FBN2: variants seen among roughly 807,000 people sequenced by gnomAD.
FBN2 encodes the protein fibrillin 2.
A neutral mutation model predicts 355.6 loss-of-function variants in FBN2; 105 were observed. That is an observed-to-expected ratio of 0.30 (90% CI 0.25 to 0.35). The LOEUF (loss-of-function observed/expected upper bound fraction) is 0.35, where lower values mean the gene tolerates loss of function less well. Ranked by LOEUF, FBN2 falls within the 10% of genes least tolerant of loss-of-function variation. The pLI is 1.00. For synonymous variants in FBN2, 1,350 were observed against 1,301.2 expected, an observed-to-expected ratio of 1.04 and a Z score of -0.81; for missense variants, 3,280 against 3,758.7, an observed-to-expected ratio of 0.87 and a Z score of 3.33.
Position 128,537,277 on chromosome 5 carries a change from GA to G in FBN2, c.254+72del. The stretch of plus-strand genomic sequence containing the variant: ...AAAGGGTCTGGGACGGAGTGGGCCA[GA>G]AAGCCGCCAAACTGAGGATTCCCCC... On this transcript the variant is annotated intron_variant, in intron 1 of 64. Transcript: ENST00000262464. 2.5e-6 allele frequency: 4 copies of G among 1,591,944 alleles called. No individual in the cohort carries two copies. In the South Asian group the frequency reaches 4.5e-5, roughly 18 times the overall value.
chr5:128,402,947 T>A (rs1282540843), intron 8 of FBN2, among the ~76,000 whole-genome samples: 1 of 152,228 alleles, frequency 6.6e-6, no homozygotes, highest in Non-Finnish European at 1.5e-5. Context: ...TTTAAAATAG[T>A]GAATGACGGG....
chr5:128,536,236 G>A (rs960561563), intron 2 of FBN2, among the ~76,000 whole-genome samples, 166 bp downstream of exon 2: 1 of 152,186 alleles, frequency 6.6e-6, no homozygotes, highest in African/African-American at 2.4e-5. Flanking sequence ...ACTCAAACCG[G>A]TTGAGTCTTC....
intron 48 of FBN2, among the ~76,000 whole-genome samples, chr5:128,296,499 T>C (rs1324776278): frequency 6.6e-6 from 1 of 152,054 alleles, no homozygotes; most frequent in African/African-American, 2.4e-5. Context: ...CTATTGATTA[T>C]TGCCACAATT....
intron 17 of FBN2, among the ~76,000 whole-genome samples, chr5:128,364,985 C>A (rs1454726194): frequency 6.6e-6 from 1 of 152,006 alleles, no homozygotes; most frequent in Non-Finnish European, 1.5e-5. Context: ...ACGAAATATG[C>A]CAGCATTTAT....
intron 7 of FBN2, among the ~76,000 whole-genome samples, chr5:128,435,617 C>T (rs1753751158): frequency 1.3e-5 from 2 of 152,142 alleles, no homozygotes; most frequent in Admixed American, 1.3e-4. Flanking sequence ...AGCAGGAGCA[C>T]AGATGGACAT....
intron 5 of FBN2, among the ~76,000 whole-genome samples, chr5:128,515,700 T>C (rs1466117882): frequency 1.3e-5 from 2 of 152,240 alleles, no homozygotes; most frequent in African/African-American, 4.8e-5. Flanking sequence ...ATCTCACCTT[T>C]AATTCCACTG....
intron 19 of FBN2, among the ~76,000 whole-genome samples, chr5:128,359,106 C>A (rs1227278141): frequency 6.6e-6 from 1 of 151,984 alleles, no homozygotes; most frequent in Non-Finnish European, 1.5e-5. Flanking sequence ...CTTTCACAGA[C>A]TCTCAGAGCT....
At chr5:128,482,755 G>C (rs954798498) in intron 5 of FBN2, among the ~76,000 whole-genome samples, 1 of 151,926 alleles carries the variant, frequency 6.6e-6, no homozygotes, top group Non-Finnish European at 1.5e-5. Flanking sequence ...GTTTAAATGA[G>C]GCTTAACCCT....
chr5:128,488,172 G>A (rs992219722), intron 5 of FBN2, among the ~76,000 whole-genome samples: 6 of 150,978 alleles, frequency 4.0e-5, no homozygotes, highest in Admixed American at 2.0e-4. Context: ...GGGAGTTCAC[G>A]CTTCAATGAA....
chr5:128,411,775 C>A (rs962404416), intron 7 of FBN2, among the ~76,000 whole-genome samples: 3 of 152,184 alleles, frequency 2.0e-5, no homozygotes, highest in African/African-American at 4.8e-5. Flanking sequence ...TCGCCAGGGA[C>A]CCCCACCCCG....
chr5:128,351,553 A>T (rs904997671), intron 20 of FBN2, among the ~76,000 whole-genome samples: 2 of 152,184 alleles, frequency 1.3e-5, no homozygotes, highest in African/African-American at 4.8e-5. Context: ...GTCTCAAAAA[A>T]AAAAAAGAAA....
chr5:128,481,679 CA>C (rs1050475352), intron 5 of FBN2, among the ~76,000 whole-genome samples: 22 of 152,082 alleles, frequency 1.4e-4, no homozygotes, highest in African/African-American at 5.3e-4. Context: ...AAACAGCCTC[CA>C]AAAATTAGAG....
Position 128,277,245 on chromosome 5 carries a change from G to A in FBN2, c.7471+635C>T, listed in dbSNP as rs143172868. On this transcript the variant is annotated intron_variant, in intron 58 of 64. Transcript: ENST00000262464. Reference sequence around the variant, plus strand: ...GAAGTTGAATACTTTGGAAAGACCCGACAAAAGTCTAAGTCCTTTCTGCCC... The same window carrying A: ...GAAGTTGAATACTTTGGAAAGACCCAACAAAAGTCTAAGTCCTTTCTGCCC... Among the ~76,000 whole-genome samples, 590 of 152,192 alleles carry A rather than the reference G, an allele frequency of 3.9e-3. 4 individuals are homozygous for A. Among genetic ancestry groups the A allele is most frequent in the African/African-American group, 0.013 (552 of 41,524 alleles).
intron 5 of FBN2, among the ~76,000 whole-genome samples, chr5:128,517,775 A>G (rs941550589): frequency 6.6e-6 from 1 of 152,162 alleles, no homozygotes; most frequent in Non-Finnish European, 1.5e-5. Flanking sequence ...AAGCCTCTAT[A>G]TGTATATAAA....
At chr5:128,466,517 A>G (rs1228217877) in intron 5 of FBN2, among the ~76,000 whole-genome samples, 6 of 152,234 alleles carry the variant, frequency 3.9e-5, no homozygotes, top group Non-Finnish European at 7.3e-5. Context: ...GAAGCCTTAG[A>G]TATCATATAC....
chr5:128,327,696 T>C lies in FBN2; in HGVS notation c.4471+1000A>G, dbSNP rs1750593412. 2.0e-5 allele frequency among the ~76,000 whole-genome samples: 3 copies of C among 152,122 alleles called. No individual in the cohort carries two copies. In the South Asian group the frequency reaches 6.2e-4, roughly 32 times the overall value. ...TCTTGTTGTCCAGTCTGTAGTGCAATGGCGCAATCTTGGCTCACCGCAACC... is the reference window on the plus strand; with the variant it reads ...TCTTGTTGTCCAGTCTGTAGTGCAACGGCGCAATCTTGGCTCACCGCAACC... On this transcript the variant is annotated intron_variant, in intron 34 of 64. Coordinates refer to ENST00000262464, the MANE Select transcript of FBN2 (RefSeq NM_001999.4).
At chr5:128,376,969 C>T in intron 13 of FBN2, 116 bp from the exon 14 acceptor site, 2 of 1,309,792 alleles carry the variant, frequency 1.5e-6, no homozygotes, top group Non-Finnish European at 2.2e-6. Flanking sequence ...GTGCTCATGG[C>T]TTTTAGTTTT....
chr5:128,294,287 G>A (rs948157405), intron 48 of FBN2, among the ~76,000 whole-genome samples: 17 of 151,718 alleles, frequency 1.1e-4, no homozygotes, highest in African/African-American at 1.9e-4. Context: ...GAATAATGCC[G>A]CAATAAACAT....
intron 20 of FBN2, among the ~76,000 whole-genome samples, chr5:128,353,698 T>A (rs1751427726): frequency 1.3e-5 from 2 of 152,246 alleles, no homozygotes; most frequent in South Asian, 4.1e-4. Context: ...GCTTTCTATG[T>A]ATTAATTTAT....
Sources: allele counts gnomAD v4.1 joint callset (sites outside exome capture counted in the v4.1 genomes callset), GRCh38; gene constraint gnomAD v4.1.1; transcripts MANE v1.5; gene names NCBI Gene and HGNC (gene_info 2026-07-23, HGNC 2026-07-21).